Variants in PRKG2 observed in about 807,000 individuals in gnomAD.
PRKG2 encodes protein kinase cGMP-dependent 2.
Under a neutral mutation model 97.2 loss-of-function variants are expected in PRKG2, and 33 were observed. That is an observed-to-expected ratio of 0.34 (90% CI 0.26 to 0.45). PRKG2 has a LOEUF of 0.45. Among genes scored for constraint, PRKG2 ranks in the 20% least tolerant of loss-of-function variants. The pLI is 1.00. For synonymous variants in PRKG2, 330 were observed against 321.8 expected, an observed-to-expected ratio of 1.03 and a Z score of -0.27; for missense variants, 638 against 900.0, an observed-to-expected ratio of 0.71 and a Z score of 3.73.
chr4:81,117,194 T>C (rs2109994618), intron 14 of PRKG2, among the ~76,000 whole-genome samples: 1 of 151,930 alleles, frequency 6.6e-6, no homozygotes, highest in East Asian at 1.9e-4. Context: ...GGTTTCACCA[T>C]GTTGCCCAGG....
intron 13 of PRKG2, among the ~76,000 whole-genome samples, chr4:81,136,521 A>T (rs1746718203): frequency 6.6e-6 from 1 of 151,972 alleles, no homozygotes; most frequent in African/African-American, 2.4e-5. Context: ...GTTGCCCTTA[A>T]CTTCTACCCA....
chr4:81,116,433 G>A (rs1245590995), intron 14 of PRKG2, among the ~76,000 whole-genome samples: 1 of 151,964 alleles, frequency 6.6e-6, no homozygotes, highest in African/African-American at 2.4e-5. Context: ...CTGTTGTTGG[G>A]GATTTAGGTT....
chr4:81,215,555 A>G (rs1334832985), upstream of PRKG2, among the ~76,000 whole-genome samples: 1 of 151,894 alleles, frequency 6.6e-6, no homozygotes, highest in African/African-American at 2.4e-5. Context: ...CCTTTCCTCC[A>G]TCCTTCCAGT....
At chr4:81,117,650 C>T (rs1744677218) in intron 14 of PRKG2, among the ~76,000 whole-genome samples, 1 of 152,124 alleles carries the variant, frequency 6.6e-6, no homozygotes, top group Admixed American at 6.6e-5. Context: ...CTCATTTAAT[C>T]TGGTAAAGTG....
chr4:81,170,769 T>C (rs1578462462), intron 4 of PRKG2, among the ~76,000 whole-genome samples: 1 of 152,258 alleles, frequency 6.6e-6, no homozygotes, highest in East Asian at 1.9e-4. Flanking sequence ...ATACTCTAAT[T>C]ACTCTAATTC....
intron 1 of PRKG2, among the ~76,000 whole-genome samples, chr4:81,207,570 T>C (rs565217705): frequency 1.4e-3 from 218 of 152,298 alleles, no homozygotes; most frequent in African/African-American, 5.1e-3. Context: ...TTTTGCTCTA[T>C]GGATGGTATT....
At chr4:81,120,615 A>C (rs1744985319) in intron 14 of PRKG2, among the ~76,000 whole-genome samples, 1 of 152,144 alleles carries the variant, frequency 6.6e-6, no homozygotes, top group Admixed American at 6.6e-5. Context: ...AGTATATAGG[A>C]AAGTGATTGA....
chr4:81,151,518 C>T (rs941473826), intron 8 of PRKG2, among the ~76,000 whole-genome samples: 6 of 151,868 alleles, frequency 4.0e-5, no homozygotes, highest in South Asian at 2.1e-4. Context: ...ACTTGCAAAA[C>T]GAGCTGATAA....
At chr4:81,128,716 T>G (rs567528480) in intron 14 of PRKG2, among the ~76,000 whole-genome samples, 1 of 152,310 alleles carries the variant, frequency 6.6e-6, no homozygotes, top group Admixed American at 6.5e-5. Flanking sequence ...GATTCTTCTC[T>G]CTTTTCTTCT....
chr4:81,130,343 C>A (rs995945533), intron 14 of PRKG2, among the ~76,000 whole-genome samples: 3 of 152,154 alleles, frequency 2.0e-5, no homozygotes, highest in Non-Finnish European at 4.4e-5. Flanking sequence ...AAGATTGCTG[C>A]CTTTTCCTTC....
chr4:81,104,300 G>A, intron 17 of PRKG2, 70 bp downstream of exon 17: 1 of 1,181,150 alleles, frequency 8.5e-7, no homozygotes, highest in East Asian at 3.0e-5. Flanking sequence ...CCTCCTGAGA[G>A]AAGCTTTTGC....
intron 2 of PRKG2, among the ~76,000 whole-genome samples, chr4:81,191,426 C>T (rs1204072137): frequency 6.6e-6 from 1 of 151,696 alleles, no homozygotes; most frequent in Non-Finnish European, 1.5e-5. Context: ...TACACTGGGG[C>T]CTGTCAGGGG....
chr4:81,169,736 G>A lies in PRKG2; in HGVS notation c.775C>T (p.Arg259Ter), dbSNP rs779609767. ...ITNVKTWALD[R>*]EVFQNIMRRT... ...CTCATTATATTCTGGAATACCTCTC[G>A]ATCTAGTGCCCATGTTTTAACATTG... Residue 259 changes from arginine (R) to a stop codon, truncating the protein, a stop_gained, in exon 5 of 19, where the codon CGA becomes TGA. Transcript: ENST00000264399. LOFTEE classifies it high-confidence loss of function. The A allele has an allele frequency of 6.2e-7, 1 of 1,608,664 alleles. No individual in the cohort carries two copies. Among genetic ancestry groups the A allele is most frequent in the Non-Finnish European group, 8.5e-7 (1 of 1,177,260 alleles).
At chr4:81,099,081 C>A (rs1361074437) in intron 17 of PRKG2, among the ~76,000 whole-genome samples, 1 of 152,124 alleles carries the variant, frequency 6.6e-6, no homozygotes, top group African/African-American at 2.4e-5. Context: ...AGTATATCAG[C>A]CTTCTTTTGA....
At chr4:81,139,445 C>T (rs555610152) in intron 12 of PRKG2, among the ~76,000 whole-genome samples, 93 of 151,922 alleles carry the variant, frequency 6.1e-4, no homozygotes, top group Non-Finnish European at 1.1e-3. Context: ...TATATATATA[C>T]GCACACACAT....
chr4:81,148,863 C>T lies in PRKG2; in HGVS notation c.1154+21G>A, dbSNP rs754014174. The T allele has an allele frequency of 2.5e-6, 4 of 1,611,150 alleles. No individual in the cohort carries two copies. The South Asian group carries it at 3.3e-5, about 13-fold the overall frequency. ...TTCAAAGGTGGCAGTGGCCTGCCTC[C>T]TCCAACATCAGTATACTCACTCTCG... is the stretch of plus-strand genomic sequence containing the variant. On this transcript the variant is annotated intron_variant, in intron 9 of 18. Transcript: ENST00000264399.
chr4:81,152,199 G>A (rs1748474525), intron 7 of PRKG2, 145 bp from the exon 8 acceptor site: 5 of 612,746 alleles, frequency 8.2e-6, no homozygotes, highest in South Asian at 2.4e-5. Flanking sequence ...ATGGTAATTA[G>A]GACAATTACC....
At chr4:81,200,061 G>A (rs192961938) in intron 2 of PRKG2, among the ~76,000 whole-genome samples, 98 of 152,286 alleles carry the variant, frequency 6.4e-4, no homozygotes, top group Non-Finnish European at 9.1e-4. Flanking sequence ...TGTTCCACCA[G>A]ACATTCAGCA....
intron 17 of PRKG2, among the ~76,000 whole-genome samples, chr4:81,097,451 C>T (rs1397881192): frequency 1.3e-5 from 2 of 152,054 alleles, no homozygotes; most frequent in Non-Finnish European, 1.5e-5. Context: ...TTCTTAAGGG[C>T]CTTAGGATTT....
Sources: allele counts gnomAD v4.1 joint callset (sites outside exome capture counted in the v4.1 genomes callset), GRCh38; gene constraint gnomAD v4.1.1; transcripts MANE v1.5; gene names NCBI Gene and HGNC (gene_info 2026-07-23, HGNC 2026-07-21).